Variants in DGKQ observed in about 807,000 individuals in gnomAD.
DGKQ encodes the protein DAG kinase theta.
A neutral mutation model predicts 104.2 loss-of-function variants in DGKQ; 97 were observed. That is an observed-to-expected ratio of 0.93 (90% CI 0.79 to 1.10). The LOEUF is 1.10. Among genes scored for constraint, DGKQ ranks in the 50% least tolerant of loss-of-function variants. The pLI, the probability that DGKQ is intolerant of heterozygous loss-of-function variation, is 0.00. For synonymous variants in DGKQ, 736 were observed against 595.2 expected (o/e 1.24, Z -3.44); for missense variants, 1,465 against 1,352.1 (o/e 1.08, Z -1.31).
rs1042269817 is a variant in DGKQ at position 967,861 on chromosome 4, C to T, written c.811+19G>A. On this transcript the variant is annotated intron_variant, in intron 6 of 22. Coordinates refer to ENST00000273814, the MANE Select transcript of DGKQ (RefSeq NM_001347.4). Reference sequence around the variant, plus strand: ...GCGCAGCCCCCAGCCCAGGGCGCCCCGGCCGGCCCGCACCTCACCCGGCTC... The same window carrying T: ...GCGCAGCCCCCAGCCCAGGGCGCCCTGGCCGGCCCGCACCTCACCCGGCTC... 27 of 1,475,834 alleles carry T rather than the reference C, an allele frequency of 1.8e-5. No homozygotes were observed. Among genetic ancestry groups the T allele is most frequent in the Non-Finnish European group, 2.3e-5 (26 of 1,117,364 alleles). 91.4% of individuals were successfully genotyped at this position (1,475,834 alleles called of 1,614,324 possible).
chr4:961,848 C>T lies in DGKQ; in HGVS notation c.2316-14G>A, dbSNP rs1220439470. The T allele has an allele frequency of 6.3e-7, 1 of 1,591,718 alleles. No homozygotes were observed. The highest frequency in any genetic ancestry group is 1.7e-5 in the Admixed American group (1 of 58,792). On this transcript the variant is annotated splice_polypyrimidine_tract_variant and intron_variant, in intron 19 of 22. Coordinates refer to ENST00000273814, the MANE Select transcript of DGKQ (RefSeq NM_001347.4). ...TTGTTGTGCAGCCTGCAGGACGGGG[C>T]AGGTCACCCATCACCAGGGGAAGCC...
Position 966,332 on chromosome 4 carries a change from C to G in DGKQ, c.1428+134G>C, listed in dbSNP as rs766302262. 3 of 1,027,574 alleles carry G rather than the reference C, an allele frequency of 2.9e-6. No homozygotes were observed. The East Asian group carries it at 7.5e-5, about 26-fold the overall frequency. 63.7% of individuals were successfully genotyped at this position (1,027,574 alleles called of 1,614,324 possible). On this transcript the variant is annotated intron_variant, in intron 12 of 22. Transcript: ENST00000273814. ...GGGACCAAGTAGCTCATGACGAGGGCGCTGCCCTGTCAGCCAGGACAGCCG... is the reference window on the plus strand; with the variant it reads ...GGGACCAAGTAGCTCATGACGAGGGGGCTGCCCTGTCAGCCAGGACAGCCG...
chr4:970,813 A>G, intron 2 of DGKQ, among the ~76,000 whole-genome samples, 180 bp downstream of exon 2: 1 of 152,160 alleles, frequency 6.6e-6, no homozygotes, highest in East Asian at 1.9e-4. Flanking sequence ...TTTTATCACC[A>G]TCATTCCCTG....
chr4:962,582 C>T lies in DGKQ; in HGVS notation c.2067G>A (p.Gly689=). ...GNDLGRVLRW[G]AGYSGEDPFS... ...ACGGGTCCTCGCCGCTGTAGCCCGC[C>T]CCCCAGCGGAGGACTCGACCAAGGT... The change falls in exon 18 of 23, where the codon GGG becomes GGA. Residue 689 remains glycine, a synonymous_variant. Coordinates refer to ENST00000273814, the MANE Select transcript of DGKQ (RefSeq NM_001347.4). The T allele has an allele frequency of 6.2e-7, 1 of 1,609,374 alleles. No homozygotes were observed. Among genetic ancestry groups the T allele is most frequent in the Non-Finnish European group, 8.5e-7 (1 of 1,179,882 alleles).
chr4:961,024 G>T (rs1199862208), intron 22 of DGKQ, 25 bp downstream of exon 22: 2 of 1,610,410 alleles, frequency 1.2e-6, no homozygotes, highest in Middle Eastern at 1.7e-4. Flanking sequence ...CACCTCCCCT[G>T]GCTCTCCAGC....
intron 11 of DGKQ, 110 bp downstream of exon 11, chr4:966,638 G>A (rs976594174): frequency 6.7e-6 from 10 of 1,498,500 alleles, no homozygotes; most frequent in Admixed American, 3.9e-5. Flanking sequence ...TGGTCAGGAG[G>A]GCAGAGCCCG....
chr4:969,843 C>T (rs564849659), intron 2 of DGKQ, among the ~76,000 whole-genome samples: 4 of 152,302 alleles, frequency 2.6e-5, no homozygotes, highest in South Asian at 2.1e-4. Context: ...GATCTCCTGA[C>T]CTCATGATCT....
rs989849057 is a variant in DGKQ at position 963,058 on chromosome 4, C to T, written c.1886+81G>A. ...CACGGGATCCCCGTGGAGCTCCTGC[C>T]GGCCGAGACAGCTGTGGCAGCCTCC... On this transcript the variant is annotated intron_variant, in intron 16 of 22. Transcript: ENST00000273814. 12 of 1,494,568 alleles carry T rather than the reference C, an allele frequency of 8.0e-6. No individual in the cohort carries two copies. The South Asian group carries it at 1.2e-4, about 15-fold the overall frequency. 92.6% of individuals were successfully genotyped at this position (1,494,568 alleles called of 1,614,324 possible).
chr4:961,611 G>A, intron 20 of DGKQ, 33 bp from the exon 21 acceptor site: 2 of 1,610,102 alleles, frequency 1.2e-6, no homozygotes, highest in Non-Finnish European at 1.7e-6. Flanking sequence ...CAGAGGTGTA[G>A]GTGCAGGCAG....
intron 21 of DGKQ, 86 bp downstream of exon 21, chr4:961,381 C>T: frequency 7.0e-7 from 1 of 1,428,578 alleles, no homozygotes; most frequent in Non-Finnish European, 9.4e-7. Flanking sequence ...CTGGACCTGG[C>T]CCTGGGGCGG....
Position 959,786 on chromosome 4 carries a change from T to C in DGKQ, c.*834A>G, listed in dbSNP as rs1711738967. The C allele has an allele frequency of 6.6e-6, 1 of 152,242 alleles. No individual in the cohort carries two copies. The highest frequency in any genetic ancestry group is 1.5e-5 in the Non-Finnish European group (1 of 68,068). 9.4% of individuals were successfully genotyped at this position (152,242 alleles called of 1,614,324 possible). The stretch of plus-strand genomic sequence containing the variant: ...GCCATGCCCTGCTTTTGGTCCCTTC[T>C]GGGTGCTAAGTGCCCCACCCTGAGG... On this transcript the variant is annotated 3_prime_UTR_variant, in exon 23 of 23. Coordinates refer to ENST00000273814, the MANE Select transcript of DGKQ (RefSeq NM_001347.4).
intron 2 of DGKQ, 136 bp downstream of exon 2, chr4:970,857 C>T (rs1391393301): frequency 4.7e-6 from 3 of 634,614 alleles, no homozygotes; most frequent in African/African-American, 1.8e-5. Context: ...CTTTTAATCC[C>T]GAGCAGTATC....
At chr4:966,684 G>A in intron 11 of DGKQ, 64 bp downstream of exon 11, 1 of 1,546,504 alleles carries the variant, frequency 6.5e-7, no homozygotes, top group Non-Finnish European at 8.8e-7. Context: ...AGGAAAGCCT[G>A]GGCAGCAGGT....
At chr4:969,052 GC>G in intron 2 of DGKQ, 142 bp from the exon 3 acceptor site, 1 of 561,922 alleles carries the variant, frequency 1.8e-6, no homozygotes, top group Non-Finnish European at 3.1e-6. Flanking sequence ...CTAGCTGGAG[GC>G]CCCAGGAACA....
intron 16 of DGKQ, 97 bp downstream of exon 16, chr4:963,042 C>A (rs1712008788): frequency 8.1e-6 from 12 of 1,489,650 alleles, no homozygotes; most frequent in Non-Finnish European, 8.1e-6. Context: ...GCACGGGATC[C>A]CCGTGGAGCT....
intron 13 of DGKQ, among the ~76,000 whole-genome samples, 199 bp downstream of exon 13, chr4:965,729 G>A (rs1031388891): frequency 7.2e-5 from 11 of 152,208 alleles, no homozygotes; most frequent in African/African-American, 2.7e-4. Context: ...GGGAGAGGCA[G>A]AGGCTGAGCA....
chr4:963,407 C>G, intron 15 of DGKQ, 117 bp from the exon 16 acceptor site: 1 of 954,792 alleles, frequency 1.0e-6, no homozygotes, highest in Non-Finnish European at 1.6e-6. Context: ...GACCAGCCCC[C>G]TCCCCAGGAA....
Position 973,216 on chromosome 4 carries a change from G to A in DGKQ, c.267C>T (p.Cys89=), listed in dbSNP as rs2153012035. The change falls in exon 1 of 23, where the codon TGC becomes TGT. Residue 89 remains cysteine (C), a synonymous_variant. Transcript: ENST00000273814. The stretch of plus-strand genomic sequence containing the variant: ...GCATCGGGCCCGGGCGCTCACCGTC[G>A]CACAGGAAGCCGGCCAGCCCCCAGA... ...DFIWGLAGFL[C]DVCNFMSHEK... 1.9e-6 allele frequency: 3 copies of A among 1,556,674 alleles called. No homozygotes were observed. The highest frequency in any genetic ancestry group is 1.8e-5 in the Admixed American group (1 of 54,618).
intron 5 of DGKQ, 105 bp downstream of exon 5, chr4:968,177 C>T (rs1328261488): frequency 9.8e-6 from 7 of 716,374 alleles, no homozygotes; most frequent in African/African-American, 3.8e-5. Flanking sequence ...ACCTGGAACC[C>T]GCGCCTCTCC....
Sources: allele counts gnomAD v4.1 joint callset (sites outside exome capture counted in the v4.1 genomes callset), GRCh38; gene constraint gnomAD v4.1.1; transcripts MANE v1.5; gene names NCBI Gene and HGNC (gene_info 2026-07-23, HGNC 2026-07-21).